Variants in ZNF423 observed in about 807,000 individuals in gnomAD.
ZNF423 encodes the protein zinc finger protein 423.
A neutral mutation model predicts 95.8 loss-of-function variants in ZNF423; 12 were observed. That is an observed-to-expected ratio of 0.13 (90% CI 0.08 to 0.20). ZNF423 has a LOEUF of 0.20. Ranked by LOEUF, ZNF423 falls within the 10% of genes least tolerant of loss-of-function variation. The pLI is 1.00. For missense variants in ZNF423, 1,316 were observed against 1,737.1 expected (o/e 0.76, Z 4.31); for synonymous variants, 749 against 711.9 (o/e 1.05, Z -0.83).
At chr16:49,683,435 C>T (rs374238370) in intron 3 of ZNF423, among the ~76,000 whole-genome samples, 32 of 152,176 alleles carry the variant, frequency 2.1e-4, no homozygotes, top group African/African-American at 3.6e-4. Context: ...AGGATGTGGG[C>T]GGTGGAGGAG....
chr16:49,703,847 T>G (rs1480164535), intron 3 of ZNF423, among the ~76,000 whole-genome samples: 3 of 152,198 alleles, frequency 2.0e-5, no homozygotes, highest in African/African-American at 7.2e-5. Context: ...TGCCCCACCC[T>G]GGGTTCAATG....
Position 49,636,818 on chromosome 16 carries a change from G to A in ZNF423, c.2358C>T (p.Ala786=), listed in dbSNP as rs372783629. 7 of 1,614,030 alleles carry A rather than the reference G, an allele frequency of 4.3e-6. No individual in the cohort carries two copies. The highest frequency in any genetic ancestry group is 5.9e-6 in the Non-Finnish European group (7 of 1,180,048). The change falls in exon 4 of 8, where the codon GCC becomes GCT. Residue 786 remains alanine (A), a synonymous_variant. Coordinates refer to ENST00000563137, the MANE Select transcript of ZNF423 (RefSeq NM_001379286.1). This position sits in a 1 kb window ranked among gnomAD's most constrained non-coding sequence, Gnocchi z 8.6. The part of the protein sequence containing the change: ...HVKHSHLGNP[A]KAHKCIFCGE... ...CACAGAAGATGCACTTGTGAGCCTT[G>A]GCCGGGTTGCCCAGGTGGCTGTGTT... is the stretch of plus-strand genomic sequence containing the variant.
At chr16:49,746,099 A>G (rs1056416966) in intron 2 of ZNF423, among the ~76,000 whole-genome samples, 1 of 152,132 alleles carries the variant, frequency 6.6e-6, no homozygotes, top group African/African-American at 2.4e-5. Flanking sequence ...CCCGAGCCTC[A>G]GTTTCCCCAC....
At chr16:49,709,063 G>A (rs989491379) in intron 3 of ZNF423, among the ~76,000 whole-genome samples, 5 of 151,706 alleles carry the variant, frequency 3.3e-5, no homozygotes, top group African/African-American at 1.2e-4. Context: ...CACCTACTAT[G>A]TACCAGGCCC....
rs536123769 is a variant in ZNF423 at position 49,553,884 on chromosome 16, A to G, written c.3602-28390T>C. 2.0e-5 allele frequency among the ~76,000 whole-genome samples: 3 copies of G among 152,352 alleles called. No individual in the cohort carries two copies. In the South Asian group the frequency reaches 6.2e-4, roughly 32 times the overall value. On this transcript the variant is annotated intron_variant, in intron 5 of 7. Transcript: ENST00000563137. ...AAGATGAAGTGAAAGATTCTCCATT[A>G]GATGGGGAACTGAAGCCCCCCAAAA...
At chr16:49,828,716 C>T (rs990782149) in intron 1 of ZNF423, among the ~76,000 whole-genome samples, 13 of 152,204 alleles carry the variant, frequency 8.5e-5, no homozygotes, top group African/African-American at 2.2e-4. Flanking sequence ...ATGCTCCAGG[C>T]GAGTCCTGTG....
At chr16:49,574,219 A>G (rs1475141885) in intron 5 of ZNF423, among the ~76,000 whole-genome samples, 1 of 152,164 alleles carries the variant, frequency 6.6e-6, no homozygotes, top group Non-Finnish European at 1.5e-5. Flanking sequence ...CCCGCTGTCT[A>G]CACAAAATTT....
intron 7 of ZNF423, among the ~76,000 whole-genome samples, chr16:49,503,343 T>A (rs1435318127): frequency 6.6e-6 from 1 of 152,068 alleles, no homozygotes; most frequent in African/African-American, 2.4e-5. Flanking sequence ...TTTCTGCTTT[T>A]TAAACTCCCT....
chr16:49,779,615 A>G (rs574355471), intron 2 of ZNF423, among the ~76,000 whole-genome samples: 10 of 152,152 alleles, frequency 6.6e-5, no homozygotes, highest in African/African-American at 2.4e-4. Flanking sequence ...CCCCAAATGC[A>G]TGAGGAGTTA....
At chr16:49,786,127 G>A (rs904905065) in intron 2 of ZNF423, among the ~76,000 whole-genome samples, 17 of 152,172 alleles carry the variant, frequency 1.1e-4, no homozygotes, top group Non-Finnish European at 2.2e-4. Flanking sequence ...GTGGGCCTGC[G>A]CACTCCGCTC....
intron 1 of ZNF423, among the ~76,000 whole-genome samples, chr16:49,802,890 A>T (rs939023363): frequency 2.0e-5 from 3 of 152,256 alleles, no homozygotes; most frequent in Non-Finnish European, 2.9e-5. Flanking sequence ...TTACAACATT[A>T]AAAACAGGTA....
intron 7 of ZNF423, among the ~76,000 whole-genome samples, chr16:49,514,212 ATG>A (rs753489806): frequency 2.3e-3 from 98 of 43,332 alleles, no homozygotes; most frequent in South Asian, 0.02. Flanking sequence ...ACACACACAC[ATG>A]CACACGCACA....
chr16:49,855,003 G>C lies in ZNF423; in HGVS notation c.40+732C>G. 2.0e-6 allele frequency: 2 copies of C among 984,916 alleles called. No homozygotes were observed. Among genetic ancestry groups the C allele is most frequent in the Non-Finnish European group, 2.4e-6 (2 of 829,726 alleles). 61.0% of individuals were successfully genotyped at this position (984,916 alleles called of 1,614,324 possible). On this transcript the variant is annotated intron_variant, in intron 1 of 7. Coordinates refer to ENST00000563137, the MANE Select transcript of ZNF423 (RefSeq NM_001379286.1). The surrounding 1 kb of genome is among the most constrained non-coding windows in gnomAD (Gnocchi z 4.7). ...CGGAGGGGCGCGCACCGCGGCCGCT[G>C]AGCTCCCCTGAGGACCTGCGTCCCG... is the stretch of plus-strand genomic sequence containing the variant.
intron 3 of ZNF423, among the ~76,000 whole-genome samples, chr16:49,682,462 C>A (rs1236047769): frequency 1.3e-5 from 2 of 152,198 alleles, no homozygotes; most frequent in African/African-American, 2.4e-5. Flanking sequence ...ACTTGCAATG[C>A]CAGGGTCTGG....
At chr16:49,737,798 G>A (rs2033323088) in intron 2 of ZNF423, among the ~76,000 whole-genome samples, 1 of 152,248 alleles carries the variant, frequency 6.6e-6, no homozygotes, top group Non-Finnish European at 1.5e-5. Flanking sequence ...GGGCCAGCTA[G>A]AAAAGGGTCA....
chr16:49,520,823 C>T (rs546706124), intron 7 of ZNF423, among the ~76,000 whole-genome samples: 1 of 152,292 alleles, frequency 6.6e-6, no homozygotes, highest in African/African-American at 2.4e-5. Flanking sequence ...CTCTCAAAAA[C>T]GAGAAAATTG....
intron 5 of ZNF423, among the ~76,000 whole-genome samples, chr16:49,563,658 G>C (rs1343331754): frequency 6.6e-6 from 1 of 152,224 alleles, no homozygotes; most frequent in African/African-American, 2.4e-5. Flanking sequence ...CCAGAGCCAC[G>C]TCTTTGGCCT....
At chr16:49,858,268 C>G (rs1378007248), upstream of ZNF423, among the ~76,000 whole-genome samples, 1 of 149,730 alleles carries the variant, frequency 6.7e-6, no homozygotes, top group Admixed American at 6.7e-5. This position sits in a 1 kb window ranked among gnomAD's most constrained non-coding sequence, Gnocchi z 4.3. Context: ...GCAGGGTGCC[C>G]GCGCCCCGCC....
chr16:49,536,238 G>T (rs1004257098), intron 5 of ZNF423, among the ~76,000 whole-genome samples: 2 of 152,144 alleles, frequency 1.3e-5, no homozygotes, highest in African/African-American at 4.8e-5. Context: ...CCAGAGTTCA[G>T]CTTGGAAACT....
Sources: allele counts gnomAD v4.1 joint callset (sites outside exome capture counted in the v4.1 genomes callset), GRCh38; gene constraint gnomAD v4.1.1; non-coding constraint Gnocchi (gnomAD v3.1); transcripts MANE v1.5; gene names NCBI Gene and HGNC (gene_info 2026-07-23, HGNC 2026-07-21).